Variants in CYP4F22 observed in about 807,000 individuals in gnomAD.
CYP4F22 encodes cytochrome P450 family 4 subfamily F member 22.
CYP4F22 carries 37 observed loss-of-function variants against 60.4 expected under a neutral mutation model. The observed-to-expected ratio is 0.61, with a 90% CI of 0.47 to 0.81. The LOEUF is 0.81. Ranked by LOEUF, CYP4F22 falls within the 30% of genes least tolerant of loss-of-function variation. The pLI is 0.00. For synonymous variants in CYP4F22, 258 were observed against 280.5 expected, an observed-to-expected ratio of 0.92 and a Z score of 0.80; for missense variants, 655 against 715.0, an observed-to-expected ratio of 0.92 and a Z score of 0.96.
chr19:15,521,761 A>G (rs898700206), intron 1 of CYP4F22, among the ~76,000 whole-genome samples: 2 of 152,098 alleles, frequency 1.3e-5, no homozygotes, highest in Admixed American at 6.6e-5. Context: ...GCCTCGAACA[A>G]CTGGGCTCAA....
intron 11 of CYP4F22, 51 bp from the exon 12 acceptor site, chr19:15,549,087 G>A: frequency 6.2e-7 from 1 of 1,604,728 alleles, no homozygotes; most frequent in Non-Finnish European, 8.5e-7. Flanking sequence ...GGATGTTTCT[G>A]GAGGAGGCCC....
Position 15,547,018 on chromosome 19 carries a change from G to GTTTTTTTTTTTTTTTTTTTTTTT in CYP4F22, c.1137-1068_1137-1067insTTTTTTTTTTTTTTTTTTTTTTT, listed in dbSNP as rs71176432. 9.7e-5 allele frequency among the ~76,000 whole-genome samples: 8 copies of GTTTTTTTTTTTTTTTTTTTTTTT among 82,308 alleles called. 1 individual carries two copies. The highest frequency in any genetic ancestry group is 4.5e-4 in the African/African-American group (8 of 17,586). The allele number at this position is 82,308 out of a possible 152,430, so 54.0% of individuals were successfully genotyped here. A position where few individuals can be genotyped will look rare whatever the true frequency, so the allele number is the denominator to read the frequency against. ...GAGCCACCATGCCTGGCCTGCACCA[G>GTTTTTTTTTTTTTTTTTTTTTTT]TTTTTTTTTTTTTTTTTTTTTTAAG... On this transcript the variant is annotated intron_variant, in intron 10 of 13. Transcript: ENST00000269703.
In CYP4F22 at chr19:15,508,591, C is replaced by A. The variant is rs913777261; in HGVS notation, c.-109+8C>A. The A allele has an allele frequency of 6.6e-6, 1 of 150,894 alleles. No individual in the cohort carries two copies. The highest frequency in any genetic ancestry group is 1.5e-5 in the Non-Finnish European group (1 of 68,236). The allele number at this position is 150,894 out of a possible 1,614,324, so 9.3% of individuals were successfully genotyped here. A position where few individuals can be genotyped will look rare whatever the true frequency, so the allele number is the denominator to read the frequency against. On this transcript the variant is annotated splice_region_variant and intron_variant, in intron 1 of 13. Coordinates refer to ENST00000269703, the MANE Select transcript of CYP4F22 (RefSeq NM_173483.4). ...GGAGGCTGAGACCCGCGGGTGAGTG[C>A]GCGCGTGGTGAGGGCTGTAACCTGA...
chr19:15,516,754 C>A, intron 1 of CYP4F22: 1 of 624,228 alleles, frequency 1.6e-6, no homozygotes, highest in Non-Finnish European at 2.6e-6. Context: ...CCTGGAATCC[C>A]TGGACTCTGG....
At chr19:15,547,996 G>GTGTGT (rs1568363989) in intron 10 of CYP4F22, 112 bp from the exon 11 acceptor site, 1 of 116,828 alleles carries the variant, frequency 8.6e-6, no homozygotes, top group Non-Finnish European at 1.4e-5. Flanking sequence ...AGAGAGAGAG[G>GTGTGT]GAGAGAGTGT....
At chr19:15,519,676 G>A (rs1971198394) in intron 1 of CYP4F22, among the ~76,000 whole-genome samples, 1 of 152,136 alleles carries the variant, frequency 6.6e-6, no homozygotes, top group East Asian at 1.9e-4. Flanking sequence ...TAGAGCATAG[G>A]AGTCACAGGC....
chr19:15,524,667 AAG>A (rs1971260097), intron 2 of CYP4F22, among the ~76,000 whole-genome samples: 3 of 137,410 alleles, frequency 2.2e-5, no homozygotes, highest in East Asian at 2.0e-4. Flanking sequence ...AGAAAGAAAG[AAG>A]GAGAGAGAGA....
intron 12 of CYP4F22, among the ~76,000 whole-genome samples, chr19:15,549,969 A>G (rs1405911031): frequency 6.6e-6 from 1 of 152,088 alleles, no homozygotes; most frequent in Non-Finnish European, 1.5e-5. Flanking sequence ...CTGTTGCCCA[A>G]GCTGGAGCGT....
intron 4 of CYP4F22, 73 bp from the exon 5 acceptor site, chr19:15,537,288 A>C (rs947816716): frequency 6.3e-7 from 1 of 1,582,866 alleles, no homozygotes; most frequent in Admixed American, 1.7e-5. Flanking sequence ...ATGACAGAGC[A>C]AGACTCCGTA....
intron 1 of CYP4F22, among the ~76,000 whole-genome samples, chr19:15,522,558 C>G: frequency 6.6e-6 from 1 of 151,916 alleles, no homozygotes; most frequent in Non-Finnish European, 1.5e-5. Context: ...CACCTATAGT[C>G]CCAGCTACTC....
chr19:15,551,149 A>C, intron 13 of CYP4F22, 145 bp from the exon 14 acceptor site: 1 of 1,053,216 alleles, frequency 9.5e-7, no homozygotes. Flanking sequence ...GTGGGGTCTC[A>C]CTTTAACCCT....
intron 1 of CYP4F22, among the ~76,000 whole-genome samples, chr19:15,519,468 G>A (rs1023142256): frequency 6.6e-6 from 1 of 152,052 alleles, no homozygotes; most frequent in Non-Finnish European, 1.5e-5. Flanking sequence ...TTGCCGTGTT[G>A]GCCAGGCTGG....
At chr19:15,547,527 T>C (rs961092285) in intron 10 of CYP4F22, among the ~76,000 whole-genome samples, 2 of 152,102 alleles carry the variant, frequency 1.3e-5, no homozygotes, top group Non-Finnish European at 2.9e-5. Flanking sequence ...CTTTGCATCC[T>C]AAGTATTAGT....
chr19:15,523,472 G>A (rs776337211), intron 1 of CYP4F22, among the ~76,000 whole-genome samples: 16 of 152,164 alleles, frequency 1.1e-4, no homozygotes, highest in Admixed American at 2.0e-4. Context: ...AACCAGCCCC[G>A]TGATCCAATC....
rs759625491 is a variant in CYP4F22, at chr19:15,548,095, C to T, written c.1137-13C>T. On this transcript the variant is annotated splice_polypyrimidine_tract_variant and intron_variant, in intron 10 of 13. Coordinates refer to ENST00000269703, the MANE Select transcript of CYP4F22 (RefSeq NM_173483.4). ...GGTGGCTCGGCCTCTAGTTATATCT[C>T]CATTCTCCCCAGGGACGATCTGACT... 1.2e-6 allele frequency: 2 copies of T among 1,608,456 alleles called. No homozygotes were observed. The highest frequency in any genetic ancestry group is 2.2e-5 in the South Asian group (2 of 90,974).
intron 8 of CYP4F22, among the ~76,000 whole-genome samples, 195 bp from the exon 9 acceptor site, chr19:15,543,776 G>A (rs1971489352): frequency 1.3e-5 from 2 of 150,442 alleles, no homozygotes; most frequent in South Asian, 4.2e-4. Flanking sequence ...AGAATCACTT[G>A]AACCTGACAG....
chr19:15,511,443 A>G (rs559970067), intron 1 of CYP4F22, among the ~76,000 whole-genome samples: 6 of 152,244 alleles, frequency 3.9e-5, no homozygotes, highest in African/African-American at 1.4e-4. Context: ...TGAAGGACAC[A>G]GCAAGACCAT....
rs73929929 is a variant in CYP4F22 at position 15,540,281 on chromosome 19, G to A, written c.672-169G>A. ...CCACTGTACTGCAGCCTAGGTGACA[G>A]AGCAAGACCCTATCTAAAAAAATAA... On this transcript the variant is annotated intron_variant, in intron 7 of 13. Coordinates refer to ENST00000269703, the MANE Select transcript of CYP4F22 (RefSeq NM_173483.4). Among the ~76,000 whole-genome samples, 2,949 of 152,224 alleles carry A rather than the reference G, an allele frequency of 0.019. 88 individuals carry two copies. The highest frequency in any genetic ancestry group is 0.067 in the African/African-American group (2,766 of 41,520).
chr19:15,514,237 T>G (rs552459567), intron 1 of CYP4F22, among the ~76,000 whole-genome samples: 11 of 152,316 alleles, frequency 7.2e-5, no homozygotes, highest in Admixed American at 6.5e-4. Context: ...TTTGCATCAC[T>G]GAAATGGTGC....
Sources: allele counts gnomAD v4.1 joint callset (sites outside exome capture counted in the v4.1 genomes callset), GRCh38; gene constraint gnomAD v4.1.1; transcripts MANE v1.5; gene names NCBI Gene and HGNC (gene_info 2026-07-23, HGNC 2026-07-21).